The following PRKG1 variants were observed in gnomAD, a reference collection of about 807,000 sequenced individuals.
PRKG1 encodes the protein cGMP-dependent protein kinase 1.
PRKG1 carries 35 observed loss-of-function variants against 88.1 expected under a neutral mutation model. The observed-to-expected ratio is 0.40, with a 90% CI of 0.30 to 0.53. The LOEUF is 0.53. Among genes scored for constraint, PRKG1 ranks in the 20% least tolerant of loss-of-function variants. The probability of loss-of-function intolerance (pLI) is 0.59; values close to 1 mark genes in which losing one functional copy is unlikely to be tolerated. For synonymous variants in PRKG1, 303 were observed against 292.5 expected (o/e 1.04, Z -0.37); for missense variants, 540 against 839.8 (o/e 0.64, Z 4.41).
chr10:51,761,566 G>A (rs768186717), intron 3 of PRKG1, among the ~76,000 whole-genome samples: 12 of 152,186 alleles, frequency 7.9e-5, no homozygotes, highest in Admixed American at 1.3e-4. Context: ...ACAAAGTGAA[G>A]AAACAGTATT....
intron 5 of PRKG1, among the ~76,000 whole-genome samples, chr10:51,927,094 A>C (rs2132994161): frequency 6.6e-6 from 1 of 152,220 alleles, no homozygotes; most frequent in East Asian, 1.9e-4. Flanking sequence ...AGAATTACTG[A>C]AATGTATCAA....
chr10:52,207,557 C>G (rs186099566), intron 9 of PRKG1, among the ~76,000 whole-genome samples: 13 of 152,280 alleles, frequency 8.5e-5, no homozygotes, highest in Admixed American at 8.5e-4. Context: ...GCGTCCCTGG[C>G]TGTGCTCCAC....
rs1278016211 is a variant in PRKG1 at position 51,061,270 on chromosome 10, A to C, written c.266+69626A>C. Among the ~76,000 whole-genome samples, 3 of 151,882 alleles carry C rather than the reference A, an allele frequency of 2.0e-5. No individual in the cohort carries two copies. In the East Asian group the frequency reaches 5.8e-4, roughly 29 times the overall value. ...CAGGCAAAAGAGCATGTGCAGGGGA[A>C]CTCCTCTTTCTAAAACCATCAGATC... On this transcript the variant is annotated intron_variant, in intron 1 of 17. Coordinates refer to the PRKG1 transcript ENST00000401604.
chr10:52,055,550 GC>G (rs958296779), intron 6 of PRKG1, among the ~76,000 whole-genome samples: 3 of 152,082 alleles, frequency 2.0e-5, no homozygotes, highest in African/African-American at 7.2e-5. Flanking sequence ...TTAGATTAAT[GC>G]TATACTATTG....
chr10:51,013,415 G>T (rs1244244462), intron 1 of PRKG1, among the ~76,000 whole-genome samples: 1 of 152,062 alleles, frequency 6.6e-6, no homozygotes. Flanking sequence ...TTTTGAGATG[G>T]AGTCTCACTC....
At chr10:51,153,401 G>A (rs909107940) in intron 2 of PRKG1, 71 bp downstream of exon 2, 504 of 1,368,788 alleles carry the variant, frequency 3.7e-4, no homozygotes, top group Non-Finnish European at 4.1e-4. Context: ...CACACAGATG[G>A]CAATGCATTA....
At chr10:52,150,201 G>T (rs1320456419) in intron 8 of PRKG1, among the ~76,000 whole-genome samples, 1 of 107,484 alleles carries the variant, frequency 9.3e-6, no homozygotes, top group East Asian at 2.3e-4. Flanking sequence ...TGGCCATAAG[G>T]GCAGGATTTG....
Position 51,340,523 on chromosome 10 carries a change from T to G in PRKG1, c.479-127200T>G, listed in dbSNP as rs143040075. Reference sequence around the variant, plus strand: ...CTACTATAATAATGCATGTTAAACATAGATGAATATGCAAAGACTTAAAGC... The same window carrying G: ...CTACTATAATAATGCATGTTAAACAGAGATGAATATGCAAAGACTTAAAGC... On this transcript the variant is annotated intron_variant, in intron 2 of 17. Coordinates refer to ENST00000373980, the MANE Select transcript of PRKG1 (RefSeq NM_006258.4). Among the ~76,000 whole-genome samples, 27 of 152,346 alleles carry G rather than the reference T, an allele frequency of 1.8e-4. No individual in the cohort carries two copies. In the East Asian group the frequency reaches 4.4e-3, roughly 25 times the overall value.
intron 2 of PRKG1, among the ~76,000 whole-genome samples, chr10:51,426,327 G>A (rs1001403679): frequency 2.0e-5 from 3 of 151,976 alleles, no homozygotes; most frequent in African/African-American, 7.2e-5. Flanking sequence ...AGACTTAGAG[G>A]AGTCAGACCT....
chr10:51,312,018 T>G (rs1372238074), intron 2 of PRKG1, among the ~76,000 whole-genome samples: 1 of 152,136 alleles, frequency 6.6e-6, no homozygotes, highest in African/African-American at 2.4e-5. Context: ...ATTACAGGCA[T>G]GTGCCACCAC....
chr10:51,900,226 A>G (rs1008184994), intron 4 of PRKG1, among the ~76,000 whole-genome samples: 4 of 152,230 alleles, frequency 2.6e-5, no homozygotes, highest in African/African-American at 9.6e-5. Context: ...TGAAGAAAAT[A>G]CAACCTCACA....
chr10:51,483,338 T>G (rs1425617437), intron 3 of PRKG1, among the ~76,000 whole-genome samples: 1 of 152,100 alleles, frequency 6.6e-6, no homozygotes, highest in African/African-American at 2.4e-5. Flanking sequence ...CCATTTCTAT[T>G]TTGGTGCCCT....
chr10:52,053,368 C>T (rs1053711962), intron 5 of PRKG1, among the ~76,000 whole-genome samples: 1 of 152,006 alleles, frequency 6.6e-6, no homozygotes, highest in Non-Finnish European at 1.5e-5. Flanking sequence ...TAATGAAAGG[C>T]AATTTTAAGG....
chr10:51,689,425 A>G lies in PRKG1; in HGVS notation c.593-115160A>G, dbSNP rs531456096. 1.8e-3 allele frequency among the ~76,000 whole-genome samples: 274 copies of G among 152,334 alleles called. 2 individuals carry two copies. Among genetic ancestry groups the G allele is most frequent in the African/African-American group, 6.3e-3 (261 of 41,574 alleles). ...TAAAACCAGCATAGATTTGTTTGGGAACAAACATGATTTACATGATAAATA... is the reference window on the plus strand; with the variant it reads ...TAAAACCAGCATAGATTTGTTTGGGGACAAACATGATTTACATGATAAATA... On this transcript the variant is annotated intron_variant, in intron 3 of 17. Coordinates refer to ENST00000373980, the MANE Select transcript of PRKG1 (RefSeq NM_006258.4).
intron 1 of PRKG1, among the ~76,000 whole-genome samples, chr10:51,001,511 A>G (rs1429868771): frequency 6.6e-6 from 1 of 152,256 alleles, no homozygotes; most frequent in East Asian, 1.9e-4. Flanking sequence ...TTCCAAATTA[A>G]AACTATGTGT....
chr10:51,868,361 A>T (rs1167139202), intron 4 of PRKG1, among the ~76,000 whole-genome samples: 2 of 152,186 alleles, frequency 1.3e-5, no homozygotes, highest in Non-Finnish European at 2.9e-5. Flanking sequence ...GCCTTCTTAC[A>T]AAATGGCTTA....
intron 3 of PRKG1, among the ~76,000 whole-genome samples, chr10:51,725,822 A>G (rs1279045352): frequency 6.6e-6 from 1 of 151,778 alleles, no homozygotes; most frequent in East Asian, 1.9e-4. Flanking sequence ...GTATTTTTTC[A>G]GTGATGGGGT....
At chr10:51,600,308 T>TTATG (rs1291816723) in intron 3 of PRKG1, among the ~76,000 whole-genome samples, 8 of 152,196 alleles carry the variant, frequency 5.3e-5, no homozygotes, top group Admixed American at 1.3e-4. Flanking sequence ...ACACTACTGA[T>TTATG]TATGGCCTTC....
At chr10:51,347,490 T>C (rs772293048) in intron 2 of PRKG1, among the ~76,000 whole-genome samples, 63 of 152,134 alleles carry the variant, frequency 4.1e-4, no homozygotes, top group Admixed American at 2.6e-4. Context: ...GGTAGGAAGA[T>C]GGTTGTTGGA....
Sources: gnomAD v4.1 joint callset for allele counts (sites outside exome capture counted in the v4.1 genomes callset) on GRCh38, gnomAD v4.1.1 for gene constraint, MANE v1.5 for transcripts, NCBI Gene and HGNC (gene_info 2026-07-23, HGNC 2026-07-21) for gene names.